RYR3: variants seen among roughly 807,000 people sequenced by gnomAD.
RYR3 encodes the protein brain ryanodine receptor-calcium release channel.
A neutral mutation model predicts 584.3 loss-of-function variants in RYR3; 207 were observed. The observed-to-expected ratio is 0.35, with a 90% CI of 0.32 to 0.40. RYR3 has a LOEUF of 0.40. Among genes scored for constraint, RYR3 ranks in the 10% least tolerant of loss-of-function variants. The probability of loss-of-function intolerance (pLI) is 1.00; values close to 1 mark genes in which losing one functional copy is unlikely to be tolerated. For missense variants in RYR3, 5,616 were observed against 6,089.2 expected, an observed-to-expected ratio of 0.92 and a Z score of 2.59; for synonymous variants, 2,416 against 2,248.5, an observed-to-expected ratio of 1.07 and a Z score of -2.11.
chr15:33,654,200 A>G (rs1195308527), intron 32 of RYR3, among the ~76,000 whole-genome samples: 1 of 152,258 alleles, frequency 6.6e-6, no homozygotes, highest in African/African-American at 2.4e-5. Context: ...ATCTTGATTT[A>G]TTTATTTTTT....
chr15:33,491,764 T>C (rs1225526924), intron 2 of RYR3, among the ~76,000 whole-genome samples: 1 of 152,070 alleles, frequency 6.6e-6, no homozygotes, highest in African/African-American at 2.4e-5. Flanking sequence ...AGATGTAGCA[T>C]TAGACGTGGT....
chr15:33,453,536 T>G (rs543555463), intron 1 of RYR3, among the ~76,000 whole-genome samples: 25 of 152,326 alleles, frequency 1.6e-4, no homozygotes, highest in African/African-American at 5.8e-4. Context: ...AACAGTTCTG[T>G]AGGTTTGGTG....
intron 77 of RYR3, among the ~76,000 whole-genome samples, chr15:33,820,243 C>G (rs1429866696): frequency 6.6e-6 from 1 of 152,170 alleles, no homozygotes; most frequent in African/African-American, 2.4e-5. Context: ...CTCTGGAATG[C>G]TGAGCAAATA....
chr15:33,553,506 A>G (rs961941185), intron 10 of RYR3, among the ~76,000 whole-genome samples: 1 of 152,210 alleles, frequency 6.6e-6, no homozygotes, highest in Non-Finnish European at 1.5e-5. Flanking sequence ...ACCAAGTCCA[A>G]GAACCAACCA....
chr15:33,577,567 G>A (rs1025815474), intron 12 of RYR3, among the ~76,000 whole-genome samples: 4 of 152,154 alleles, frequency 2.6e-5, no homozygotes, highest in African/African-American at 9.7e-5. Context: ...CGAGCCATGT[G>A]CAGAAAATTG....
intron 10 of RYR3, among the ~76,000 whole-genome samples, chr15:33,550,613 T>G (rs1387741083): frequency 6.6e-6 from 1 of 152,242 alleles, no homozygotes; most frequent in Non-Finnish European, 1.5e-5. Flanking sequence ...TTGTTGTTGT[T>G]TAATGCATTC....
rs764734949 is a variant in RYR3, at chr15:33,821,600, C to G, written c.10993C>G (p.Gln3665Glu). ...GAACGGAGGCAATGCTGGTGTGCAACAGGTAACGGGAACTTGCAGCGGCTG... is the reference window on the plus strand; with the variant it reads ...GAACGGAGGCAATGCTGGTGTGCAAGAGGTAACGGGAACTTGCAGCGGCTG... ...ILNGGNAGVQQKMLDYLKEKK... is the reference protein window; with the variant it reads ...ILNGGNAGVQEKMLDYLKEKK... Residue 3665 changes from glutamine to glutamate, a missense_variant and splice_region_variant, in exon 80 of 104, where the codon CAG becomes GAG. Gln to Glu is a conservative substitution (Grantham distance 29, BLOSUM62 2). This residue lies in a region of RYR3 where 954 missense variants were observed against 1,132.2 expected (regional missense o/e 0.84). Coordinates refer to ENST00000634891, the MANE Select transcript of RYR3 (RefSeq NM_001036.6). The G allele has an allele frequency of 2.2e-5, 36 of 1,613,716 alleles. No individual in the cohort carries two copies. Among genetic ancestry groups the G allele is most frequent in the South Asian group, 1.9e-4 (17 of 91,086 alleles).
intron 1 of RYR3, among the ~76,000 whole-genome samples, chr15:33,372,219 C>T (rs1184483408): frequency 1.3e-5 from 2 of 152,024 alleles, no homozygotes; most frequent in African/African-American, 2.4e-5. Context: ...TGAGACAGGG[C>T]CTTGCTCTGT....
intron 77 of RYR3, among the ~76,000 whole-genome samples, chr15:33,820,300 G>GC (rs1259465980): frequency 1.3e-5 from 2 of 152,214 alleles, no homozygotes; most frequent in Admixed American, 1.3e-4. Flanking sequence ...GGGTATAGGA[G>GC]CACCTATTCC....
At chr15:33,623,755 G>T (rs932506688) in intron 19 of RYR3, 52 bp from the exon 20 acceptor site, 7 of 1,293,348 alleles carry the variant, frequency 5.4e-6, no homozygotes, top group African/African-American at 1.5e-5. Flanking sequence ...ACTTATTTGG[G>T]CTGCATTGTT....
chr15:33,517,928 A>T (rs770099659), intron 3 of RYR3, among the ~76,000 whole-genome samples: 1 of 152,210 alleles, frequency 6.6e-6, no homozygotes, highest in Admixed American at 6.5e-5. Context: ...TTTTATGAGG[A>T]ACATGGCACT....
At position 33,788,432 on chromosome 15, in the gene RYR3, G is replaced by A; in HGVS notation, c.9804G>A (p.Met3268Ile). Residue 3268 changes from methionine (M) to isoleucine (I), a missense_variant, in exon 67 of 104, where the codon ATG (methionine) becomes ATA (isoleucine). By Grantham distance (10) the Met-to-Ile change is conservative. This residue lies in a region of RYR3 where 954 missense variants were observed against 1,132.2 expected (regional missense o/e 0.84). Transcript: ENST00000634891. ...GAGATCTCTATGCCTTCTACCCCATGCTGATCCGCTACGTGGACAACAACA... is the reference window on the plus strand; with the variant it reads ...GAGATCTCTATGCCTTCTACCCCATACTGATCCGCTACGTGGACAACAACA... ...LCRDLYAFYPMLIRYVDNNRS... is the reference protein window; with the variant it reads ...LCRDLYAFYPILIRYVDNNRS... The A allele has an allele frequency of 6.2e-7, 1 of 1,613,904 alleles. No homozygotes were observed.
At chr15:33,313,328 A>T (rs946063893) in intron 1 of RYR3, among the ~76,000 whole-genome samples, 13 of 152,334 alleles carry the variant, frequency 8.5e-5, no homozygotes, top group African/African-American at 2.9e-4. Context: ...TTCCCGCTAG[A>T]GCCTGGCATT....
chr15:33,430,956 T>C (rs2045093058), intron 1 of RYR3, among the ~76,000 whole-genome samples: 1 of 152,134 alleles, frequency 6.6e-6, no homozygotes, highest in Admixed American at 6.6e-5. Context: ...TTACCCTTTA[T>C]TTTTTTAGGC....
intron 86 of RYR3, 121 bp from the exon 87 acceptor site, chr15:33,834,847 A>G: frequency 1.6e-6 from 1 of 621,428 alleles, no homozygotes; most frequent in African/African-American, 1.8e-5. Flanking sequence ...CTGAGCTATG[A>G]AATATTTGAC....
chr15:33,747,376 C>CTT (rs34350928), intron 53 of RYR3, among the ~76,000 whole-genome samples: 25,502 of 94,858 alleles, frequency 0.27, 3,951 homozygotes, highest in East Asian at 0.39. Context: ...AAAGAGAAAT[C>CTT]TTTTTTTTTT....
At chr15:33,802,123 A>G (rs1270948810) in intron 69 of RYR3, 162 bp downstream of exon 69, 2 of 761,462 alleles carry the variant, frequency 2.6e-6, no homozygotes, top group Admixed American at 3.4e-5. Context: ...GCCAGAAGAA[A>G]CTGCTCTCAA....
chr15:33,435,574 A>C (rs1456450526), intron 1 of RYR3, among the ~76,000 whole-genome samples: 2 of 152,352 alleles, frequency 1.3e-5, no homozygotes, highest in East Asian at 3.9e-4. Context: ...CAAATGGGCT[A>C]TATGCCTCTT....
chr15:33,801,243 G>T (rs974064099), intron 68 of RYR3, among the ~76,000 whole-genome samples: 16 of 152,276 alleles, frequency 1.1e-4, no homozygotes, highest in African/African-American at 3.9e-4. Context: ...TAAAAACCTG[G>T]AATCAATAGA....
Sources: allele counts gnomAD v4.1 joint callset (sites outside exome capture counted in the v4.1 genomes callset), GRCh38; gene constraint gnomAD v4.1.1; regional missense constraint gnomAD v4.1.1; transcripts MANE v1.5; gene names NCBI Gene and HGNC (gene_info 2026-07-23, HGNC 2026-07-21).